SPAG16: variants seen among roughly 807,000 people sequenced by gnomAD.
SPAG16 encodes sperm associated antigen 16.
SPAG16 carries 86 observed loss-of-function variants against 80.4 expected under a neutral mutation model. That is an observed-to-expected ratio of 1.07 (90% CI 0.90 to 1.28). The LOEUF is 1.28. SPAG16 is among the 50% of genes most tolerant of loss of function. The probability of loss-of-function intolerance (pLI) is 0.00; values close to 1 mark genes in which losing one functional copy is unlikely to be tolerated. For synonymous variants in SPAG16, 294 were observed against 265.9 expected (o/e 1.11, Z -1.03); for missense variants, 870 against 765.3 (o/e 1.14, Z -1.61).
At chr2:214,173,021 C>T (rs1009172196) in intron 15 of SPAG16, among the ~76,000 whole-genome samples, 41 of 150,782 alleles carry the variant, frequency 2.7e-4, no homozygotes, top group Admixed American at 1.5e-3. Flanking sequence ...GAGTAGGTTG[C>T]GAAAATTTTC....
intron 10 of SPAG16, among the ~76,000 whole-genome samples, chr2:213,550,035 T>C (rs1445070525): frequency 6.6e-6 from 1 of 152,104 alleles, no homozygotes; most frequent in African/African-American, 2.4e-5. Context: ...AAAAAGATGC[T>C]TTTAAGTTTT....
intron 13 of SPAG16, among the ~76,000 whole-genome samples, chr2:214,106,780 G>A (rs1377332575): frequency 6.6e-6 from 1 of 152,116 alleles, no homozygotes; most frequent in Non-Finnish European, 1.5e-5. Flanking sequence ...AGACTTTTGA[G>A]TGAATCTACT....
chr2:214,292,723 A>G (rs1214470493), intron 15 of SPAG16, among the ~76,000 whole-genome samples: 2 of 152,152 alleles, frequency 1.3e-5, no homozygotes, highest in Non-Finnish European at 2.9e-5. Flanking sequence ...TTGCTTTTTG[A>G]TGCTTCCTGT....
Position 213,410,076 on chromosome 2 carries a change from G to A in SPAG16, c.942+34957G>A, listed in dbSNP as rs35115619. 6.1e-3 allele frequency among the ~76,000 whole-genome samples: 924 copies of A among 151,954 alleles called. 5 individuals carry two copies. The highest frequency in any genetic ancestry group is 0.012 in the Admixed American group (179 of 15,276). ...CTGCTAACCACCGAGACTGCTGTTCGTACAGCAAAAAGGGGATGGAATCAT... is the reference window on the plus strand; with the variant it reads ...CTGCTAACCACCGAGACTGCTGTTCATACAGCAAAAAGGGGATGGAATCAT... On this transcript the variant is annotated intron_variant, in intron 9 of 15. Coordinates refer to ENST00000331683, the MANE Select transcript of SPAG16 (RefSeq NM_024532.5).
intron 9 of SPAG16, among the ~76,000 whole-genome samples, chr2:213,472,665 A>G (rs1359499989): frequency 1.3e-5 from 2 of 152,152 alleles, no homozygotes; most frequent in South Asian, 2.1e-4. Context: ...AAGTATGTCT[A>G]TGCCAATTAT....
chr2:214,248,030 GA>G (rs1166998711), intron 15 of SPAG16, among the ~76,000 whole-genome samples: 1 of 148,132 alleles, frequency 6.8e-6, no homozygotes, highest in African/African-American at 2.5e-5. Context: ...TGTCTCAAAA[GA>G]AAAAAAAATC....
intron 10 of SPAG16, among the ~76,000 whole-genome samples, chr2:213,643,362 A>ATG (rs2062685648): frequency 1.7e-4 from 2 of 11,916 alleles, no homozygotes; most frequent in African/African-American, 8.7e-4. Flanking sequence ...ATATATATAT[A>ATG]TATATATATA....
At chr2:213,666,394 A>G (rs908827112) in intron 10 of SPAG16, among the ~76,000 whole-genome samples, 6 of 152,120 alleles carry the variant, frequency 3.9e-5, no homozygotes, top group Admixed American at 3.9e-4. Context: ...ATTAACTGGG[A>G]GCAAAATTTT....
intron 15 of SPAG16, among the ~76,000 whole-genome samples, chr2:214,255,247 C>G (rs1252292760): frequency 1.3e-5 from 2 of 151,956 alleles, no homozygotes; most frequent in East Asian, 1.9e-4. Flanking sequence ...ATAACTGGGT[C>G]TTTCCTTCAG....
At chr2:214,288,571 C>T (rs191394867) in intron 15 of SPAG16, among the ~76,000 whole-genome samples, 1 of 152,200 alleles carries the variant, frequency 6.6e-6, no homozygotes, top group Admixed American at 6.5e-5. Flanking sequence ...CTTCTCCTCA[C>T]ATCCCGATCA....
At chr2:214,390,990 G>GTATT (rs1186998140) in intron 15 of SPAG16, among the ~76,000 whole-genome samples, 3 of 152,152 alleles carry the variant, frequency 2.0e-5, no homozygotes, top group African/African-American at 7.2e-5. Flanking sequence ...AGAGGATTAG[G>GTATT]TATTTGTGAC....
chr2:213,776,830 C>T (rs907684145), intron 10 of SPAG16, among the ~76,000 whole-genome samples: 1 of 113,952 alleles, frequency 8.8e-6, no homozygotes, highest in Non-Finnish European at 1.7e-5. Flanking sequence ...TATGCCACCC[C>T]CCCCCCACCC....
At chr2:213,565,679 C>G (rs1038693505) in intron 10 of SPAG16, among the ~76,000 whole-genome samples, 4 of 152,132 alleles carry the variant, frequency 2.6e-5, no homozygotes, top group Non-Finnish European at 1.5e-5. Context: ...ATAAGGCCTG[C>G]CAAGAGACAA....
intron 13 of SPAG16, among the ~76,000 whole-genome samples, chr2:214,030,081 C>G (rs2048335081): frequency 6.6e-6 from 1 of 152,126 alleles, no homozygotes; most frequent in Non-Finnish European, 1.5e-5. Flanking sequence ...AGCTCTAGCC[C>G]TTATTCATCT....
intron 10 of SPAG16, among the ~76,000 whole-genome samples, chr2:213,762,062 A>G (rs1399151650): frequency 1.3e-5 from 2 of 152,202 alleles, no homozygotes; most frequent in East Asian, 1.9e-4. Context: ...AAGTCGATCA[A>G]TGAAATACAC....
intron 15 of SPAG16, among the ~76,000 whole-genome samples, chr2:214,331,124 TC>T (rs2126011767): frequency 6.6e-6 from 1 of 152,320 alleles, no homozygotes; most frequent in South Asian, 2.1e-4. Context: ...TTCCTGGGGC[TC>T]CGGCAACTGG....
intron 10 of SPAG16, among the ~76,000 whole-genome samples, chr2:213,540,009 T>C (rs1006800834): frequency 1.3e-5 from 2 of 151,098 alleles, no homozygotes; most frequent in Non-Finnish European, 3.0e-5. Context: ...ATTAGCACAA[T>C]GATACCATTA....
At chr2:214,242,089 C>T (rs1443214352) in intron 15 of SPAG16, among the ~76,000 whole-genome samples, 5 of 152,188 alleles carry the variant, frequency 3.3e-5, no homozygotes, top group African/African-American at 4.8e-5. Flanking sequence ...GACTGGTTTG[C>T]TAAGCCCATT....
chr2:213,480,955 G>A (rs1188892112), intron 9 of SPAG16, among the ~76,000 whole-genome samples: 2 of 152,070 alleles, frequency 1.3e-5, no homozygotes, highest in Non-Finnish European at 2.9e-5. Context: ...TTAAAGTCAG[G>A]ATAAGATAGC....
Sources: gnomAD v4.1 joint callset for allele counts (sites outside exome capture counted in the v4.1 genomes callset) on GRCh38, gnomAD v4.1.1 for gene constraint, MANE v1.5 for transcripts, NCBI Gene and HGNC (gene_info 2026-07-23, HGNC 2026-07-21) for gene names.